The following TMEM163 variants were observed in gnomAD, a reference collection of about 807,000 sequenced individuals.
The protein encoded by TMEM163 is transmembrane protein 163.
A neutral mutation model predicts 29.3 loss-of-function variants in TMEM163; 17 were observed. The ratio of observed to expected loss-of-function variants is 0.58; its 90% CI spans 0.40 to 0.87. The LOEUF (loss-of-function observed/expected upper bound fraction) is 0.87, where lower values mean the gene tolerates loss of function less well. TMEM163 is among the 40% of genes least tolerant of loss of function. The pLI, the probability that TMEM163 is intolerant of heterozygous loss-of-function variation, is 0.00. For synonymous variants in TMEM163, 157 were observed against 160.6 expected (o/e 0.98, Z 0.17); for missense variants, 303 against 381.5 (o/e 0.79, Z 1.71).
At chr2:134,621,673 G>A (rs997686681) in intron 2 of TMEM163, among the ~76,000 whole-genome samples, 5 of 151,660 alleles carry the variant, frequency 3.3e-5, no homozygotes, top group East Asian at 3.9e-4. Context: ...GGCGAATTAC[G>A]AGGTCAGGAG....
At chr2:134,519,763 C>T (rs1185508890) in intron 4 of TMEM163, among the ~76,000 whole-genome samples, 4 of 150,696 alleles carry the variant, frequency 2.7e-5, no homozygotes, top group Non-Finnish European at 5.9e-5. Flanking sequence ...TGGTGGTATA[C>T]GCCTGGAGTC....
chr2:134,672,015 C>A (rs773320904), intron 2 of TMEM163, among the ~76,000 whole-genome samples: 3 of 152,142 alleles, frequency 2.0e-5, no homozygotes, highest in Non-Finnish European at 4.4e-5. Context: ...ATTATCATCA[C>A]CCTCATGTCA....
At chr2:134,674,284 C>T (rs1684056635) in intron 2 of TMEM163, among the ~76,000 whole-genome samples, 1 of 151,810 alleles carries the variant, frequency 6.6e-6, no homozygotes, top group Admixed American at 6.6e-5. Context: ...AAGTATCTCA[C>T]ACTCATCTCT....
intron 2 of TMEM163, among the ~76,000 whole-genome samples, chr2:134,605,731 GGAGGA>G (rs1173440813): frequency 6.6e-6 from 1 of 151,548 alleles, no homozygotes; most frequent in East Asian, 1.9e-4. Context: ...GGAGGGGAGG[GGAGGA>G]GAGGAGAGGA....
intron 2 of TMEM163, among the ~76,000 whole-genome samples, chr2:134,668,853 A>T (rs931629483): frequency 1.3e-5 from 2 of 152,198 alleles, no homozygotes; most frequent in Non-Finnish European, 2.9e-5. Context: ...CTGTGTTCAC[A>T]CTTGGAAGGC....
rs1685096676 is a variant in TMEM163, at chr2:134,718,770, C to A, written c.166G>T (p.Glu56Ter). The change falls in exon 1 of 8, where the codon GAG (glutamate) becomes TAG (stop). Residue 56 changes from glutamate to a stop codon, truncating the protein, a stop_gained. Transcript: ENST00000281924. LOFTEE classifies it high-confidence loss of function. ...AGCCCGTCGCTGAACTGGCCGCTCT[C>A]GCTGATCCGCACCTGCCGCTCCTCC... ...LEEERQVRIS[E>*]SGQFSDGLED... 1.7e-6 allele frequency: 2 copies of A among 1,153,752 alleles called. No individual in the cohort carries two copies. Among genetic ancestry groups the A allele is most frequent in the Non-Finnish European group, 2.1e-6 (2 of 938,068 alleles). 71.5% of individuals were successfully genotyped at this position (1,153,752 alleles called of 1,614,324 possible).
chr2:134,463,649 A>T (rs2106473245), intron 6 of TMEM163, among the ~76,000 whole-genome samples: 1 of 152,358 alleles, frequency 6.6e-6, no homozygotes, highest in East Asian at 1.9e-4. Flanking sequence ...CGGCTGTGCT[A>T]GAAAGACCTG....
intron 4 of TMEM163, among the ~76,000 whole-genome samples, chr2:134,522,875 G>C (rs918998822): frequency 6.6e-6 from 1 of 152,176 alleles, no homozygotes; most frequent in Admixed American, 6.5e-5. Flanking sequence ...GAAAAAGATC[G>C]AATCCCTTGC....
At chr2:134,470,791 G>A (rs1232886258) in intron 5 of TMEM163, among the ~76,000 whole-genome samples, 1 of 152,234 alleles carries the variant, frequency 6.6e-6, no homozygotes, top group Non-Finnish European at 1.5e-5. Flanking sequence ...CTCCTGCGGT[G>A]CACGTGCTCC....
chr2:134,517,238 G>A (rs975816900), intron 4 of TMEM163, among the ~76,000 whole-genome samples: 1 of 152,158 alleles, frequency 6.6e-6, no homozygotes, highest in Admixed American at 6.5e-5. Flanking sequence ...TGGCATGTGG[G>A]TAAGCATGTG....
At chr2:134,684,937 A>G (rs201607549) in intron 2 of TMEM163, among the ~76,000 whole-genome samples, 28 of 150,386 alleles carry the variant, frequency 1.9e-4, no homozygotes, top group South Asian at 2.1e-4. Context: ...AAAAAAAAAA[A>G]AAAGAAAAAG....
intron 2 of TMEM163, among the ~76,000 whole-genome samples, chr2:134,581,748 A>G (rs963060493): frequency 1.3e-5 from 2 of 152,208 alleles, no homozygotes; most frequent in East Asian, 3.8e-4. Context: ...CCCCTTGCCC[A>G]TGTCAGCATA....
intron 2 of TMEM163, among the ~76,000 whole-genome samples, chr2:134,610,839 T>G (rs1418763975): frequency 6.6e-6 from 1 of 152,084 alleles, no homozygotes; most frequent in African/African-American, 2.4e-5. Flanking sequence ...CAGGGGAGAA[T>G]GTGAGTGTGG....
intron 4 of TMEM163, among the ~76,000 whole-genome samples, chr2:134,519,635 C>T (rs1680149284): frequency 6.6e-6 from 1 of 151,934 alleles, no homozygotes; most frequent in African/African-American, 2.4e-5. Flanking sequence ...TGGCCAGAAC[C>T]CAGGAGGCAG....
intron 2 of TMEM163, among the ~76,000 whole-genome samples, chr2:134,650,963 T>C (rs1465125803): frequency 8.8e-6 from 1 of 113,584 alleles, no homozygotes; most frequent in African/African-American, 4.5e-5. Context: ...TTTGGGTTGG[T>C]TCCAAGTCTT....
intron 4 of TMEM163, among the ~76,000 whole-genome samples, chr2:134,516,326 C>T (rs1415963161): frequency 6.6e-6 from 1 of 151,880 alleles, no homozygotes; most frequent in Non-Finnish European, 1.5e-5. Flanking sequence ...TTTGGGAGGC[C>T]GAGACGGGCA....
intron 2 of TMEM163, among the ~76,000 whole-genome samples, chr2:134,668,813 T>A (rs529780034): frequency 6.6e-6 from 1 of 151,682 alleles, no homozygotes; most frequent in East Asian, 1.9e-4. Context: ...TAAGCATACA[T>A]GTATATATAT....
Position 134,718,720 on chromosome 2 carries a change from C to A in TMEM163, c.202+14G>T. 1 of 1,148,126 alleles carries A rather than the reference C, an allele frequency of 8.7e-7. No individual in the cohort carries two copies. The highest frequency in any genetic ancestry group is 1.1e-6 in the Non-Finnish European group (1 of 934,070). The allele number at this position is 1,148,126 out of a possible 1,614,324, so 71.1% of individuals were successfully genotyped here. On this transcript the variant is annotated intron_variant, in intron 1 of 7. Transcript: ENST00000281924. ...CACCCCGGTCGCCGGCCGGGTCGGG[C>A]AGCTCGCGCTCACCTCGGTCCTCCA... is the stretch of plus-strand genomic sequence containing the variant.
intron 2 of TMEM163, among the ~76,000 whole-genome samples, chr2:134,648,258 C>T (rs1259916089): frequency 6.7e-6 from 1 of 148,462 alleles, no homozygotes; most frequent in South Asian, 2.1e-4. Context: ...AGTCAAGCTG[C>T]TTCTCTTCAA....
Sources: gnomAD v4.1 joint callset for allele counts (sites outside exome capture counted in the v4.1 genomes callset) on GRCh38, gnomAD v4.1.1 for gene constraint, MANE v1.5 for transcripts, NCBI Gene and HGNC (gene_info 2026-07-23, HGNC 2026-07-21) for gene names.